The following PHKA1 variants were observed in gnomAD, a reference collection of about 807,000 sequenced individuals.
PHKA1 encodes the protein phosphorylase kinase regulatory subunit alpha 1, also known as phosphorylase b kinase regulatory subunit alpha, skeletal muscle isoform.
Under a neutral mutation model 110.2 loss-of-function variants are expected in PHKA1, and 60 were observed. The ratio of observed to expected loss-of-function variants is 0.54; its 90% CI spans 0.44 to 0.68. The LOEUF (loss-of-function observed/expected upper bound fraction) is 0.68, where lower values mean the gene tolerates loss of function less well. PHKA1 is among the 30% of genes least tolerant of loss of function. The pLI is 0.00. For missense variants in PHKA1, 801 were observed against 942.5 expected (o/e 0.85, Z 1.97); for synonymous variants, 316 against 333.6 (o/e 0.95, Z 0.58).
intron 4 of PHKA1, among the ~76,000 whole-genome samples, chrX:72,688,572 C>T (rs1218263910): frequency 1.8e-5 from 2 of 112,337 alleles, no homozygotes; most frequent in African/African-American, 6.5e-5. Flanking sequence ...GCCTTCTTCT[C>T]TCCAGATCTT....
intron 4 of PHKA1, among the ~76,000 whole-genome samples, chrX:72,688,695 C>T (rs1019542805): frequency 2.7e-5 from 3 of 112,072 alleles, no homozygotes; most frequent in Non-Finnish European, 3.8e-5. Context: ...CTTTTATGAA[C>T]TTATTTTTTT....
At chrX:72,679,563 T>C (rs1380532938) in intron 5 of PHKA1, among the ~76,000 whole-genome samples, 1 of 111,075 alleles carries the variant, frequency 9.0e-6, no homozygotes, top group African/African-American at 3.3e-5. Context: ...CTATATTCCA[T>C]ACATTCAGAA....
intron 8 of PHKA1, among the ~76,000 whole-genome samples, chrX:72,661,008 G>T (rs1235956109): frequency 1.8e-5 from 2 of 112,249 alleles, no homozygotes; most frequent in Non-Finnish European, 3.8e-5. Context: ...ATGAAATTTA[G>T]CAGTTCCAAG....
intron 16 of PHKA1, among the ~76,000 whole-genome samples, chrX:72,633,855 C>T (rs1277400947): frequency 4.5e-5 from 5 of 111,865 alleles, no homozygotes; most frequent in Non-Finnish European, 7.5e-5. Context: ...CCTTACTTTT[C>T]CCATTTTGCT....
chrX:72,605,665 A>G, intron 23 of PHKA1, 46 bp from the exon 24 acceptor site: 2 of 946,289 alleles, frequency 2.1e-6, no homozygotes, highest in Non-Finnish European at 1.5e-6. Context: ...ACAACCACTT[A>G]ATCTTAAATA....
At chrX:72,583,018 G>C (rs927016188) in intron 30 of PHKA1, among the ~76,000 whole-genome samples, 9 of 111,867 alleles carry the variant, frequency 8.0e-5, no homozygotes, top group African/African-American at 2.9e-4. Flanking sequence ...AGGAAAAACT[G>C]AGGTAAAACT....
intron 5 of PHKA1, among the ~76,000 whole-genome samples, chrX:72,678,749 T>C (rs782422902): frequency 8.9e-6 from 1 of 112,135 alleles, no homozygotes; most frequent in African/African-American, 3.2e-5. Flanking sequence ...ATTTATAACA[T>C]AATGGTTTTC....
chrX:72,651,983 A>C (rs1003867130), intron 12 of PHKA1, among the ~76,000 whole-genome samples: 5 of 111,552 alleles, frequency 4.5e-5, no homozygotes, highest in Non-Finnish European at 9.4e-5. Flanking sequence ...GTGGACACAA[A>C]GTCAGAAACT....
At chrX:72,680,583 A>AAGTTTTTCAGGC (rs1556313918) in intron 5 of PHKA1, among the ~76,000 whole-genome samples, 11 of 112,055 alleles carry the variant, frequency 9.8e-5, no homozygotes, top group African/African-American at 3.6e-4. Context: ...AGAAATGTTA[A>AAGTTTTTCAGGC]AGAAAGTTTT....
chrX:72,611,033 C>T lies in PHKA1; in HGVS notation c.2521G>A (p.Asp841Asn). ...AATTCAAGAATTTATAGTACCTCAT[C>T]AAGTGCTTCCACTTTCTTCCTTAAG... is the stretch of plus-strand genomic sequence containing the variant. ...GILRKKVEAL[D>N]EACTDLLSHQ... Residue 841 changes from aspartate (D) to asparagine (N), a missense_variant, in exon 22 of 32, where the codon GAT (aspartate) becomes AAT (asparagine). Asp to Asn is a conservative substitution (Grantham distance 23). Around this residue, in one of 2 missense-constraint regions of PHKA1, gnomAD observed 502 missense variants for 519.2 expected, o/e 0.97. Coordinates refer to ENST00000373542, the MANE Select transcript of PHKA1 (RefSeq NM_002637.4). 1 of 1,201,673 alleles carries T rather than the reference C, an allele frequency of 8.3e-7. No homozygotes were observed. Among genetic ancestry groups the T allele is most frequent in the South Asian group, 1.8e-5 (1 of 56,611 alleles).
Position 72,666,157 on chromosome X carries a change from C to G in PHKA1, c.858G>C (p.Lys286Asn). ...AAGGTACATAGGGACATACCTGAAG[C>G]TTGGTGATGATTTCCTGTTTTGTGA... is the stretch of plus-strand genomic sequence containing the variant. Reference protein sequence around the residue: ...VELTKQEIITKLQGRYGCCRF... With the variant: ...VELTKQEIITNLQGRYGCCRF... The change falls in exon 8 of 32, where the codon AAG becomes AAC. Residue 286 changes from lysine to asparagine, a missense_variant. By Grantham distance (94) the Lys-to-Asn change is moderately conservative. Around this residue, in one of 2 missense-constraint regions of PHKA1, gnomAD observed 299 missense variants for 423.3 expected, o/e 0.71. Coordinates refer to ENST00000373542, the MANE Select transcript of PHKA1 (RefSeq NM_002637.4). 2 of 1,210,885 alleles carry G rather than the reference C, an allele frequency of 1.7e-6. No individual in the cohort carries two copies. Among genetic ancestry groups the G allele is most frequent in the Non-Finnish European group, 2.2e-6 (2 of 894,968 alleles).
rs373548773 is a variant in PHKA1 at position 72,681,532 on chromosome X, C to T, written c.537+2966G>A. Reference sequence around the variant, plus strand: ...CCCCCGCCTGGCCAGCCGTGCCATCCGGGAGGGAGGTGGGGGGGTCAGCCC... The same window carrying T: ...CCCCCGCCTGGCCAGCCGTGCCATCTGGGAGGGAGGTGGGGGGGTCAGCCC... On this transcript the variant is annotated intron_variant, in intron 5 of 31. Transcript: ENST00000373542. 0.017 allele frequency among the ~76,000 whole-genome samples: 1,295 copies of T among 78,303 alleles called. 23 individuals are homozygous for T. The East Asian group carries it at 0.31, about 19-fold the overall frequency. 68.0% of individuals were successfully genotyped at this position (78,303 alleles called of 115,157 possible).
intron 8 of PHKA1, among the ~76,000 whole-genome samples, chrX:72,663,343 A>C (rs1329064390): frequency 1.8e-5 from 2 of 111,181 alleles, no homozygotes; most frequent in Non-Finnish European, 3.8e-5. Context: ...AAAAACGAAT[A>C]AAAAAGAATG....
intron 6 of PHKA1, among the ~76,000 whole-genome samples, chrX:72,668,481 T>G (rs2053640012): frequency 8.9e-6 from 1 of 112,267 alleles, no homozygotes; most frequent in Non-Finnish European, 1.9e-5. Flanking sequence ...TTTTTCCTAA[T>G]GTGATTAAAA....
At chrX:72,713,702 C>CACG in intron 1 of PHKA1, 101 bp downstream of exon 1, 3 of 426,341 alleles carry the variant, frequency 7.0e-6, no homozygotes, top group Non-Finnish European at 1.3e-5. Context: ...ACACACACAC[C>CACG]CACACACGCA....
chrX:72,661,743 C>CAA (rs782779792), intron 8 of PHKA1, among the ~76,000 whole-genome samples: 9 of 33,088 alleles, frequency 2.7e-4, no homozygotes, highest in African/African-American at 5.6e-4. Context: ...AATGTACTGA[C>CAA]AAAAAAAAAA....
intron 7 of PHKA1, 110 bp from the exon 8 acceptor site, chrX:72,666,407 A>AT: frequency 3.1e-6 from 2 of 654,429 alleles, no homozygotes; most frequent in Non-Finnish European, 4.8e-6. Context: ...GACAAAATAG[A>AT]AAAGAACATT....
intron 7 of PHKA1, among the ~76,000 whole-genome samples, 164 bp downstream of exon 7, chrX:72,667,211 G>A (rs1603266722): frequency 8.9e-6 from 1 of 112,409 alleles, no homozygotes; most frequent in Middle Eastern, 4.6e-3. Flanking sequence ...GCTATATTTG[G>A]CTTATCTCAG....
At chrX:72,666,553 C>T (rs1365814282) in intron 7 of PHKA1, among the ~76,000 whole-genome samples, 1 of 111,496 alleles carries the variant, frequency 9.0e-6, no homozygotes, top group Non-Finnish European at 1.9e-5. Context: ...CTTAGAAAAC[C>T]AGCAATTTCT....
Sources: gnomAD v4.1 joint callset for allele counts (sites outside exome capture counted in the v4.1 genomes callset) on GRCh38, gnomAD v4.1.1 for gene constraint, gnomAD v4.1.1 regional missense constraint, MANE v1.5 for transcripts, NCBI Gene and HGNC (gene_info 2026-07-23, HGNC 2026-07-21) for gene names.